TMPRSS11E: variants seen among roughly 807,000 people sequenced by gnomAD.
TMPRSS11E encodes the protein transmembrane protease serine 11E.
In TMPRSS11E, 38 loss-of-function variants were observed where a neutral mutation model predicts 48.1. The ratio of observed to expected loss-of-function variants is 0.79; its 90% CI spans 0.61 to 1.04. The LOEUF (loss-of-function observed/expected upper bound fraction) is 1.04, where lower values mean the gene tolerates loss of function less well. Among genes scored for constraint, TMPRSS11E ranks in the 50% least tolerant of loss-of-function variants. The pLI is 0.00. For synonymous variants in TMPRSS11E, 158 were observed against 171.9 expected (o/e 0.92, Z 0.63); for missense variants, 530 against 510.8 (o/e 1.04, Z -0.36).
intron 6 of TMPRSS11E, 86 bp downstream of exon 6, chr4:68,474,847 A>G (rs1729167558): frequency 9.1e-7 from 1 of 1,095,988 alleles, no homozygotes; most frequent in South Asian, 1.5e-5. Flanking sequence ...TTGTGTTGAT[A>G]TCATAGGGAC....
intron 9 of TMPRSS11E, among the ~76,000 whole-genome samples, chr4:68,492,452 G>A (rs1319081281): frequency 1.3e-5 from 2 of 151,988 alleles, no homozygotes; most frequent in African/African-American, 4.8e-5. Flanking sequence ...TCTTTTCTTG[G>A]TCTACATAGT....
intron 1 of TMPRSS11E, among the ~76,000 whole-genome samples, chr4:68,459,883 A>G (rs571096236): frequency 2.6e-5 from 4 of 152,288 alleles, no homozygotes; most frequent in Admixed American, 1.3e-4. Context: ...TAACAGATTA[A>G]TAGCAAGCAT....
chr4:68,454,897 G>A (rs182918197), intron 1 of TMPRSS11E, among the ~76,000 whole-genome samples: 1 of 151,998 alleles, frequency 6.6e-6, no homozygotes, highest in African/African-American at 2.4e-5. Context: ...AATGTGTAAT[G>A]ATCAAATCAA....
At chr4:68,463,988 T>A (rs1728862412) in intron 2 of TMPRSS11E, among the ~76,000 whole-genome samples, 1 of 152,172 alleles carries the variant, frequency 6.6e-6, no homozygotes, top group Non-Finnish European at 1.5e-5. Context: ...TAAATCTTAC[T>A]CATATGTATA....
chr4:68,449,945 AG>A (rs908596525), intron 1 of TMPRSS11E, among the ~76,000 whole-genome samples: 10 of 151,690 alleles, frequency 6.6e-5, no homozygotes, highest in Non-Finnish European at 1.5e-5. Flanking sequence ...GGGGAAACTG[AG>A]GGGGGAGAAC....
chr4:68,484,177 A>G (rs1729489387), intron 9 of TMPRSS11E, among the ~76,000 whole-genome samples: 1 of 152,208 alleles, frequency 6.6e-6, no homozygotes, highest in Non-Finnish European at 1.5e-5. Context: ...GTGAAAAATG[A>G]CATTGGTAGT....
intron 9 of TMPRSS11E, 117 bp from the exon 10 acceptor site, chr4:68,496,526 A>C: frequency 9.7e-7 from 1 of 1,031,112 alleles, no homozygotes; most frequent in Non-Finnish European, 1.4e-6. Context: ...TATGCATGCG[A>C]ACACACGGAA....
At chr4:68,476,239 A>G (rs1560554517) in intron 6 of TMPRSS11E, 22 bp from the exon 7 acceptor site, 2 of 1,612,882 alleles carry the variant, frequency 1.2e-6, no homozygotes, top group Middle Eastern at 1.8e-4. Flanking sequence ...CCACCAATGC[A>G]CCCCCCCTCT....
At position 68,496,980 on chromosome 4, in the gene TMPRSS11E, C is replaced by A. The variant is rs529651500; in HGVS notation, c.*176C>A. 39 of 577,800 alleles carry A rather than the reference C, an allele frequency of 6.7e-5. No individual in the cohort carries two copies. The highest frequency in any genetic ancestry group is 9.1e-5 in the Non-Finnish European group (30 of 330,758). The allele number at this position is 577,800 out of a possible 1,614,324, so 35.8% of individuals were successfully genotyped here. A position where few individuals can be genotyped will look rare whatever the true frequency, so the allele number is the denominator to read the frequency against. ...CCAGCTCTGTTCCGCACATAAGCAT[C>A]CTGCTTCTGCCAGATCAACTCTGTC... On this transcript the variant is annotated 3_prime_UTR_variant, in exon 10 of 10. Coordinates refer to ENST00000305363, the MANE Select transcript of TMPRSS11E (RefSeq NM_014058.4).
Position 68,453,265 on chromosome 4 carries a change from C to A in TMPRSS11E, c.11+5742C>A, listed in dbSNP as rs142360438. Among the ~76,000 whole-genome samples, 928 of 152,044 alleles carry A rather than the reference C, an allele frequency of 6.1e-3. 28 individuals carry two copies. The highest frequency in any genetic ancestry group is 0.041 in the Admixed American group (631 of 15,216). ...TTTATTTAATCTTCAGAAGAATCTT[C>A]TGAGTTAGGTCTTATCATTATCTCC... On this transcript the variant is annotated intron_variant, in intron 1 of 9. Coordinates refer to ENST00000305363, the MANE Select transcript of TMPRSS11E (RefSeq NM_014058.4).
At chr4:68,449,750 T>C (rs1285986234) in intron 1 of TMPRSS11E, among the ~76,000 whole-genome samples, 1 of 151,872 alleles carries the variant, frequency 6.6e-6, no homozygotes, top group Non-Finnish European at 1.5e-5. Flanking sequence ...TGTGTAAGCC[T>C]GAAAGAAATT....
intron 1 of TMPRSS11E, among the ~76,000 whole-genome samples, chr4:68,458,313 C>T (rs150015317): frequency 0.025 from 3,839 of 151,772 alleles, 165 homozygotes; most frequent in African/African-American, 0.085. Context: ...ATAATGCAGC[C>T]TAAGCATATT....
intron 9 of TMPRSS11E, 71 bp from the exon 10 acceptor site, chr4:68,496,572 A>T: frequency 6.9e-7 from 1 of 1,440,472 alleles, no homozygotes. Context: ...TACATTCTTA[A>T]GTTAGAAAAA....
intron 1 of TMPRSS11E, among the ~76,000 whole-genome samples, chr4:68,449,383 T>C (rs921323675): frequency 6.6e-6 from 1 of 151,742 alleles, no homozygotes; most frequent in Non-Finnish European, 1.5e-5. Context: ...ATACTAACTG[T>C]ATTTATCAGC....
chr4:68,470,498 T>G (rs747290893), intron 4 of TMPRSS11E, among the ~76,000 whole-genome samples: 3 of 151,920 alleles, frequency 2.0e-5, no homozygotes, highest in Non-Finnish European at 4.4e-5. Flanking sequence ...GTGTTACAAT[T>G]AACATGTTTA....
Position 68,466,662 on chromosome 4 carries a change from A to C in TMPRSS11E, c.168A>C (p.Thr56=). 6.2e-7 allele frequency: 1 copy of C among 1,613,530 alleles called. No individual in the cohort carries two copies. The change falls in exon 3 of 10, where the codon ACA becomes ACC. Residue 56 remains threonine, a synonymous_variant. Coordinates refer to ENST00000305363, the MANE Select transcript of TMPRSS11E (RefSeq NM_014058.4). ...AGAAGACCTACAATTACTATAGCACATTGTCATTTACAACTGACAAACTAT... is the reference window on the plus strand; with the variant it reads ...AGAAGACCTACAATTACTATAGCACCTTGTCATTTACAACTGACAAACTAT... ...NQKKTYNYYS[T]LSFTTDKLYA...
intron 5 of TMPRSS11E, among the ~76,000 whole-genome samples, chr4:68,472,539 C>T (rs1367551251): frequency 1.3e-5 from 2 of 151,908 alleles, no homozygotes; most frequent in Admixed American, 6.6e-5. Context: ...AGCTCATTGG[C>T]CACAGGTGGC....
At position 68,466,765 on chromosome 4, in the gene TMPRSS11E, T is replaced by C; in HGVS notation, c.258+13T>C. ...ACTTGAATCAATGGTAAGCAACTTG[T>C]CATCTACTTCTAGTGCATTTGCTTT... On this transcript the variant is annotated intron_variant, in intron 3 of 9. Transcript: ENST00000305363. The C allele has an allele frequency of 6.2e-7, 1 of 1,613,272 alleles. No individual in the cohort carries two copies. The highest frequency in any genetic ancestry group is 8.5e-7 in the Non-Finnish European group (1 of 1,179,472).
At chr4:68,455,242 G>A (rs1315738317) in intron 1 of TMPRSS11E, among the ~76,000 whole-genome samples, 1 of 151,914 alleles carries the variant, frequency 6.6e-6, no homozygotes, top group African/African-American at 2.4e-5. Context: ...AAGTCTGATT[G>A]TTTAACAAAT....
Sources: allele counts gnomAD v4.1 joint callset (sites outside exome capture counted in the v4.1 genomes callset), GRCh38; gene constraint gnomAD v4.1.1; transcripts MANE v1.5; gene names NCBI Gene and HGNC (gene_info 2026-07-23, HGNC 2026-07-21).